CSTPP1: variants seen among roughly 807,000 people sequenced by gnomAD.
CSTPP1 encodes UPF0705 protein C11orf49.
chr11:46,946,970 C>T, the CSTPP1 span, among the ~76,000 whole-genome samples: 1 of 152,182 alleles, frequency 6.6e-6, no homozygotes, highest in South Asian at 2.1e-4. Context: ...CAAATAGTTA[C>T]TGAATTCCTA....
the CSTPP1 span, among the ~76,000 whole-genome samples, chr11:47,002,020 A>G: frequency 6.6e-6 from 1 of 152,188 alleles, no homozygotes; most frequent in Non-Finnish European, 1.5e-5. Context: ...GTGGTAAAGT[A>G]ATGGTGACTA....
the CSTPP1 span, among the ~76,000 whole-genome samples, chr11:46,962,480 G>T: frequency 6.6e-6 from 1 of 152,142 alleles, no homozygotes; most frequent in African/African-American, 2.4e-5. Context: ...AAAGCCAGCT[G>T]GGATTTTGAT....
the CSTPP1 span, among the ~76,000 whole-genome samples, chr11:47,039,817 C>T: frequency 7.8e-6 from 1 of 128,154 alleles, no homozygotes; most frequent in Non-Finnish European, 1.9e-5. Context: ...CCGTCCTGGG[C>T]GAAAGAGCGA....
the CSTPP1 span, among the ~76,000 whole-genome samples, chr11:47,011,636 C>T: frequency 2.6e-5 from 4 of 152,326 alleles, no homozygotes; most frequent in African/African-American, 7.2e-5. Context: ...TCACACTTCA[C>T]TTTTTCCAAG....
At chr11:47,161,906 C>G in the CSTPP1 span, 1 of 1,240,206 alleles carries the variant, frequency 8.1e-7, no homozygotes, top group South Asian at 2.2e-5. Flanking sequence ...CACCTTGTCA[C>G]GCCGTAGCCT....
At chr11:46,998,840 A>C in the CSTPP1 span, among the ~76,000 whole-genome samples, 1 of 151,956 alleles carries the variant, frequency 6.6e-6, no homozygotes, top group African/African-American at 2.4e-5. Context: ...GGTTCACGAC[A>C]TTCTCCCGCC....
At chr11:46,980,765 GA>G in the CSTPP1 span, among the ~76,000 whole-genome samples, 1 of 151,682 alleles carries the variant, frequency 6.6e-6, no homozygotes, top group Admixed American at 6.6e-5. Context: ...TCAAGAAGAA[GA>G]AAAAAAGACA....
At chr11:47,161,678 TCCCACCCAGCCCTTGGTGTG>T in the CSTPP1 span, 28 of 1,563,192 alleles carry the variant, frequency 1.8e-5, no homozygotes, top group East Asian at 1.8e-4. Flanking sequence ...CTGTACCTGC[TCCCACCCAGCCCTTGGTGTG>T]CCCACCCAGC....
At chr11:47,009,377 C>G in the CSTPP1 span, among the ~76,000 whole-genome samples, 69 of 152,170 alleles carry the variant, frequency 4.5e-4, no homozygotes, top group Non-Finnish European at 9.3e-4. Context: ...TCATACACTG[C>G]AAGGGATCAT....
chr11:47,141,285 G>A, the CSTPP1 span, among the ~76,000 whole-genome samples: 3 of 151,984 alleles, frequency 2.0e-5, no homozygotes, highest in African/African-American at 7.3e-5. Flanking sequence ...CCCAACCCTA[G>A]GCAACCCCTA....
At chr11:47,077,195 TG>T in the CSTPP1 span, among the ~76,000 whole-genome samples, 16 of 97,424 alleles carry the variant, frequency 1.6e-4, no homozygotes, top group South Asian at 3.7e-4. Context: ...AGGATAAAGT[TG>T]TTTTTTTTTT....
At chr11:46,949,813 A>G in the CSTPP1 span, among the ~76,000 whole-genome samples, 1 of 152,044 alleles carries the variant, frequency 6.6e-6, no homozygotes, top group African/African-American at 2.4e-5. Flanking sequence ...CTGGAATTAT[A>G]GGTGCATGCC....
the CSTPP1 span, among the ~76,000 whole-genome samples, chr11:47,150,957 G>A: frequency 6.7e-6 from 1 of 148,970 alleles, no homozygotes; most frequent in Middle Eastern, 3.2e-3. Flanking sequence ...CACAAGCTTG[G>A]CTCACTGACA....
At chr11:46,996,734 T>C in the CSTPP1 span, among the ~76,000 whole-genome samples, 1 of 152,200 alleles carries the variant, frequency 6.6e-6, no homozygotes, top group African/African-American at 2.4e-5. Flanking sequence ...TAGTGCTTCC[T>C]TCAGGGGCTC....
the CSTPP1 span, among the ~76,000 whole-genome samples, chr11:47,072,183 TC>T: frequency 2.0e-5 from 3 of 152,334 alleles, no homozygotes; most frequent in Admixed American, 2.0e-4. Flanking sequence ...TGGCTGCTGT[TC>T]CCAGCACACT....
At chr11:47,093,886 C>T in the CSTPP1 span, among the ~76,000 whole-genome samples, 1 of 152,080 alleles carries the variant, frequency 6.6e-6, no homozygotes, top group African/African-American at 2.4e-5. Context: ...ACATGTCTTA[C>T]TAGAAAAGGG....
the CSTPP1 span, among the ~76,000 whole-genome samples, chr11:47,048,233 A>G: frequency 6.6e-6 from 1 of 152,242 alleles, no homozygotes; most frequent in East Asian, 1.9e-4. Flanking sequence ...ACAATAGCCA[A>G]AAGGTGGAAG....
At chr11:47,046,155 G>GA in the CSTPP1 span, among the ~76,000 whole-genome samples, 23 of 149,712 alleles carry the variant, frequency 1.5e-4, no homozygotes, top group African/African-American at 4.2e-4. Flanking sequence ...TTTAAAAAAG[G>GA]AAAAAAAAGG....
At chr11:46,941,485 A>G in the CSTPP1 span, among the ~76,000 whole-genome samples, 323 of 152,204 alleles carry the variant, frequency 2.1e-3, 1 homozygote, top group African/African-American at 7.5e-3. Flanking sequence ...GATTACAGGC[A>G]CCTGCCACCA....
Sources: allele counts gnomAD v4.1 joint callset (sites outside exome capture counted in the v4.1 genomes callset), GRCh38; gene constraint gnomAD v4.1.1; transcripts MANE v1.5; gene names NCBI Gene and HGNC (gene_info 2026-07-23, HGNC 2026-07-21).